Variants in SELENOO observed in about 807,000 individuals in gnomAD.
SELENOO encodes the protein protein adenylyltransferase SelO, mitochondrial.
A neutral mutation model predicts 58.7 loss-of-function variants in SELENOO; 74 were observed. That is an observed-to-expected ratio of 1.26 (90% CI 1.04 to 1.53). SELENOO has a LOEUF of 1.53. SELENOO is among the 40% of genes most tolerant of loss of function. The pLI, the probability that SELENOO is intolerant of heterozygous loss-of-function variation, is 0.00. For synonymous variants in SELENOO, 543 were observed against 453.2 expected (o/e 1.20, Z -2.52); for missense variants, 1,149 against 970.0 (o/e 1.18, Z -2.45).
intron 1 of SELENOO, among the ~76,000 whole-genome samples, chr22:50,204,096 A>G (rs2064317949): frequency 6.6e-6 from 1 of 152,266 alleles, no homozygotes; most frequent in Non-Finnish European, 1.5e-5. Context: ...AAGACGCTCA[A>G]CGTCATCAAT....
chr22:50,215,077 C>G (rs761090395), intron 5 of SELENOO, among the ~76,000 whole-genome samples: 1 of 152,062 alleles, frequency 6.6e-6, no homozygotes, highest in Non-Finnish European at 1.5e-5. Flanking sequence ...GCTTTGACTC[C>G]CTTCTCATTT....
In SELENOO at chr22:50,217,613, T is replaced by C; in HGVS notation, c.*244T>C. On this transcript the variant is annotated 3_prime_UTR_variant, in exon 9 of 9. Transcript: ENST00000380903. Reference sequence around the variant, plus strand: ...GCTCCTAAATAAACCAGCAACTCCCTCGAGTCTGTCTCTGTGGTCATTGTT... The same window carrying C: ...GCTCCTAAATAAACCAGCAACTCCCCCGAGTCTGTCTCTGTGGTCATTGTT... The C allele has an allele frequency of 9.4e-7, 1 of 1,063,938 alleles. No homozygotes were observed. The highest frequency in any genetic ancestry group is 1.3e-6 in the Non-Finnish European group (1 of 743,746). 65.9% of individuals were successfully genotyped at this position (1,063,938 alleles called of 1,614,324 possible). A position where few individuals can be genotyped will look rare whatever the true frequency, so the allele number is the denominator to read the frequency against.
At chr22:50,210,567 G>A in intron 4 of SELENOO, 64 bp from the exon 5 acceptor site, 2 of 1,606,830 alleles carry the variant, frequency 1.2e-6, no homozygotes, top group Non-Finnish European at 8.5e-7. Flanking sequence ...CCTCCAGGGT[G>A]GCTGCACCAT....
rs1022632140 is a variant in SELENOO, at chr22:50,201,439, C to T, written c.403C>T (p.Pro135Ser). The part of the protein sequence containing the change: ...SGNALLPGAE[P>S]AAHCYCGHQF... The stretch of plus-strand genomic sequence containing the variant: ...CAACGCGCTCCTGCCGGGCGCCGAG[C>T]CCGCCGCGCACTGCTACTGCGGCCA... Residue 135 changes from proline to serine, a missense_variant, in exon 1 of 9, where the codon CCC becomes TCC. Pro to Ser is a moderately conservative substitution (Grantham distance 74). Coordinates refer to ENST00000380903, the MANE Select transcript of SELENOO (RefSeq NM_031454.2). The T allele has an allele frequency of 3.6e-6, 5 of 1,383,312 alleles. No homozygotes were observed. The highest frequency in any genetic ancestry group is 3.0e-5 in the African/African-American group (2 of 66,440). The allele number at this position is 1,383,312 out of a possible 1,614,324, so 85.7% of individuals were successfully genotyped here.
chr22:50,209,729 C>A (rs1055209926), intron 3 of SELENOO, among the ~76,000 whole-genome samples: 1 of 152,186 alleles, frequency 6.6e-6, no homozygotes, highest in Non-Finnish European at 1.5e-5. Context: ...CCTGGCCCCC[C>A]TGTTGATTGG....
rs147532433 is a variant in SELENOO, at chr22:50,216,534, C to T, written c.1503-157C>T. 5.1e-4 allele frequency among the ~76,000 whole-genome samples: 77 copies of T among 152,364 alleles called. 1 individual carries two copies. Among genetic ancestry groups the T allele is most frequent in the African/African-American group, 1.6e-3 (65 of 41,588 alleles). On this transcript the variant is annotated intron_variant, in intron 6 of 8. Transcript: ENST00000380903. ...CTGGTGTGTGCCCACTGGGGTCCAT[C>T]CCTGCCAGTGGGGTTCCAGGGACCT...
intron 1 of SELENOO, among the ~76,000 whole-genome samples, chr22:50,201,865 A>G (rs1325107389): frequency 6.6e-6 from 1 of 152,140 alleles, no homozygotes; most frequent in Non-Finnish European, 1.5e-5. Context: ...GGTTAGGCTA[A>G]CCCTAACCCT....
chr22:50,201,898 C>T lies in SELENOO; in HGVS notation c.554+308C>T, dbSNP rs561813619. Among the ~76,000 whole-genome samples, 4 of 152,392 alleles carry T rather than the reference C, an allele frequency of 2.6e-5. No homozygotes were observed. The South Asian group carries it at 6.2e-4, about 24-fold the overall frequency. ...CCTAACCCCGCAGGTCCCCAGCCTT[C>T]CTCCGATCGCTCGTGGGGCGGGCCG... On this transcript the variant is annotated intron_variant, in intron 1 of 8. Transcript: ENST00000380903.
In SELENOO at chr22:50,217,208, C is replaced by T. The variant is rs371772968; in HGVS notation, c.1849C>T (p.Arg617Trp). 3.1e-5 allele frequency: 50 copies of T among 1,610,426 alleles called. No homozygotes were observed. The highest frequency in any genetic ancestry group is 9.9e-5 in the South Asian group (9 of 90,986). The part of the protein sequence containing the change: ...AAERGDFSEV[R>W]RVLKLLETPY... The stretch of plus-strand genomic sequence containing the variant: ...TCTCACCCTCCTGATCCTCCAGGTG[C>T]GGCGGGTGCTGAAACTACTGGAGAC... Residue 617 changes from arginine (R) to tryptophan (W), a missense_variant, in exon 9 of 9, where the codon CGG becomes TGG. Physicochemically the swap from Arg to Trp is moderately radical, Grantham distance 101. Coordinates refer to ENST00000380903, the MANE Select transcript of SELENOO (RefSeq NM_031454.2).
chr22:50,208,095 T>C (rs962560147), intron 2 of SELENOO, among the ~76,000 whole-genome samples: 1 of 151,946 alleles, frequency 6.6e-6, no homozygotes, highest in Admixed American at 6.6e-5. Flanking sequence ...TTTGCTTTTG[T>C]TTTAATCAAG....
chr22:50,208,529 C>T lies in SELENOO; in HGVS notation c.759-7C>T, dbSNP rs2064347275. 6.2e-7 allele frequency: 1 copy of T among 1,610,828 alleles called. No homozygotes were observed. Among genetic ancestry groups the T allele is most frequent in the East Asian group, 2.2e-5 (1 of 44,794 alleles). The stretch of plus-strand genomic sequence containing the variant: ...TGGGCTGTTGACGCCTCGGGTCTTC[C>T]CTCCAGGTTTGGATCCTTTGAGATT... On this transcript the variant is annotated splice_polypyrimidine_tract_variant and splice_region_variant and intron_variant, in intron 2 of 8. Transcript: ENST00000380903.
At chr22:50,204,575 C>G (rs760420363) in intron 1 of SELENOO, among the ~76,000 whole-genome samples, 1 of 151,620 alleles carries the variant, frequency 6.6e-6, no homozygotes, top group African/African-American at 2.4e-5. Flanking sequence ...TGCAGTGAGC[C>G]GAGATCACGC....
chr22:50,217,492 C>T lies in SELENOO; in HGVS notation c.*123C>T, dbSNP rs1324634167. Reference sequence around the variant, plus strand: ...TCTGCCCTGGCCCATGCACACCCGTCTTTCCATGATGGCAGAGACATCCAG... The same window carrying T: ...TCTGCCCTGGCCCATGCACACCCGTTTTTCCATGATGGCAGAGACATCCAG... On this transcript the variant is annotated 3_prime_UTR_variant, in exon 9 of 9. Transcript: ENST00000380903. 2.4e-6 allele frequency: 3 copies of T among 1,253,822 alleles called. No individual in the cohort carries two copies. The highest frequency in any genetic ancestry group is 5.3e-5 in the Admixed American group (2 of 37,676). 77.7% of individuals were successfully genotyped at this position (1,253,822 alleles called of 1,614,324 possible). A position where few individuals can be genotyped will look rare whatever the true frequency, so the allele number is the denominator to read the frequency against.
chr22:50,206,194 T>C, intron 1 of SELENOO, 123 bp from the exon 2 acceptor site: 1 of 807,024 alleles, frequency 1.2e-6, no homozygotes, highest in East Asian at 2.7e-5. Flanking sequence ...GGACGGGCGG[T>C]TTTCAGGGAC....
rs777304895 is a variant in SELENOO at position 50,217,004 on chromosome 22, G to A, written c.1721G>A (p.Gly574Glu). 1 of 1,611,440 alleles carries A rather than the reference G, an allele frequency of 6.2e-7. No homozygotes were observed. Among genetic ancestry groups the A allele is most frequent in the Non-Finnish European group, 8.5e-7 (1 of 1,179,714 alleles). The change falls in exon 8 of 9, where the codon GGG (glycine) becomes GAG (glutamate). Residue 574 changes from glycine (G) to glutamate (E), a missense_variant. By Grantham distance (98) the Gly-to-Glu change is moderately conservative. Coordinates refer to ENST00000380903, the MANE Select transcript of SELENOO (RefSeq NM_031454.2). ...ARLDKDLEGA[G>E]DAAAWQAEHV... ...CTGGACAAGGACCTGGAAGGCGCTG[G>A]GGACGCTGCCGCCTGGCAGGCTGAG... is the stretch of plus-strand genomic sequence containing the variant.
Position 50,217,092 on chromosome 22 carries a change from T to C in SELENOO, c.1809T>C (p.Asn603=), listed in dbSNP as rs370423404. ...TGCTGAGGAACTACATCGCGCAGAATGCCATCGAGGCTGCCGAGCGCGGGG... is the reference window on the plus strand; with the variant it reads ...TGCTGAGGAACTACATCGCGCAGAACGCCATCGAGGCTGCCGAGCGCGGGG... ...KYVLRNYIAQ[N]AIEAAERGDF... The change falls in exon 8 of 9, where the codon AAT becomes AAC. Residue 603 remains asparagine (N), a synonymous_variant. Coordinates refer to ENST00000380903, the MANE Select transcript of SELENOO (RefSeq NM_031454.2). 7 of 1,612,900 alleles carry C rather than the reference T, an allele frequency of 4.3e-6. No homozygotes were observed. The highest frequency in any genetic ancestry group is 1.3e-5 in the African/African-American group (1 of 74,930).
At chr22:50,215,606 G>T in intron 5 of SELENOO, 111 bp from the exon 6 acceptor site, 5 of 876,158 alleles carry the variant, frequency 5.7e-6, no homozygotes, top group South Asian at 5.1e-5. Flanking sequence ...GCATGTGGGT[G>T]GGTCCATGCA....
chr22:50,201,051 G>T lies in SELENOO; in HGVS notation c.15G>T (p.Arg5Ser), dbSNP rs1224989018. ...CGGGGCCGCGGATGGCCGTATACAG[G>T]GCAGCGCTCGGGGCTTCGCTCGCGG... MAVY[R>S]AALGASLAAA... The change falls in exon 1 of 9, where the codon AGG becomes AGT. Residue 5 changes from arginine to serine, a missense_variant. Coordinates refer to ENST00000380903, the MANE Select transcript of SELENOO (RefSeq NM_031454.2). 1.5e-6 allele frequency: 2 copies of T among 1,342,476 alleles called. No homozygotes were observed. The highest frequency in any genetic ancestry group is 1.9e-6 in the Non-Finnish European group (2 of 1,048,284). 83.2% of individuals were successfully genotyped at this position (1,342,476 alleles called of 1,614,324 possible).
At chr22:50,216,060 T>C (rs2064407931) in intron 6 of SELENOO, among the ~76,000 whole-genome samples, 193 bp downstream of exon 6, 1 of 151,674 alleles carries the variant, frequency 6.6e-6, no homozygotes, top group African/African-American at 2.4e-5. Flanking sequence ...GAGTAGAGAG[T>C]GGCGAGGCTG....
Sources: allele counts gnomAD v4.1 joint callset (sites outside exome capture counted in the v4.1 genomes callset), GRCh38; gene constraint gnomAD v4.1.1; transcripts MANE v1.5; gene names NCBI Gene and HGNC (gene_info 2026-07-23, HGNC 2026-07-21).